The following VPS13B variants were observed in gnomAD, a reference collection of about 807,000 sequenced individuals.
VPS13B encodes intermembrane lipid transfer protein VPS13B.
VPS13B carries 285 observed loss-of-function variants against 426.4 expected under a neutral mutation model. The observed-to-expected ratio is 0.67, with a 90% CI of 0.61 to 0.74. The LOEUF is 0.74. Among genes scored for constraint, VPS13B ranks in the 30% least tolerant of loss-of-function variants. The pLI is 0.00. For synonymous variants in VPS13B, 1,676 were observed against 1,676.4 expected, an observed-to-expected ratio of 1.00 and a Z score of 0.01; for missense variants, 4,537 against 4,782.6, an observed-to-expected ratio of 0.95 and a Z score of 1.51.
intron 43 of VPS13B, among the ~76,000 whole-genome samples, chr8:99,793,932 C>T (rs1255375512): frequency 6.6e-6 from 1 of 152,114 alleles, no homozygotes; most frequent in East Asian, 1.9e-4. Flanking sequence ...GTAAATATTC[C>T]ATGTAAAACA....
chr8:99,668,988 T>C (rs1344170042), intron 35 of VPS13B, among the ~76,000 whole-genome samples: 1 of 152,040 alleles, frequency 6.6e-6, no homozygotes, highest in East Asian at 1.9e-4. Context: ...CCAAGGAAAA[T>C]TCCCCGTGAG....
chr8:99,766,733 T>C, intron 39 of VPS13B, 41 bp from the exon 40 acceptor site: 1 of 1,542,448 alleles, frequency 6.5e-7, no homozygotes, highest in Non-Finnish European at 8.9e-7. Flanking sequence ...AAAAGCATAG[T>C]TTCTATTTGC....
At chr8:99,658,000 T>G (rs2129726654) in intron 34 of VPS13B, among the ~76,000 whole-genome samples, 1 of 152,296 alleles carries the variant, frequency 6.6e-6, no homozygotes, top group Middle Eastern at 3.4e-3. Flanking sequence ...GGAAGAAAAA[T>G]TGTATTTCTT....
At chr8:99,777,238 T>C (rs1811788033) in intron 41 of VPS13B, among the ~76,000 whole-genome samples, 1 of 152,166 alleles carries the variant, frequency 6.6e-6, no homozygotes, top group Non-Finnish European at 1.5e-5. Flanking sequence ...TTACTGTAAT[T>C]CTAATTATGA....
intron 33 of VPS13B, among the ~76,000 whole-genome samples, chr8:99,580,325 A>AATAT (rs72284628): frequency 1.5e-4 from 22 of 146,742 alleles, no homozygotes; most frequent in African/African-American, 4.7e-4. Context: ...TATAACATTA[A>AATAT]ATATATATAT....
rs538471927 is a variant in VPS13B at position 99,602,940 on chromosome 8, A to G, written c.5220+25307A>G. 3.9e-5 allele frequency among the ~76,000 whole-genome samples: 6 copies of G among 152,344 alleles called. No homozygotes were observed. The South Asian group carries it at 1.2e-3, about 32-fold the overall frequency. ...GGATAGGAAGCATCAATATCGTGAAAATGGCCATACTGCCCAAAGTAATTT... is the reference window on the plus strand; with the variant it reads ...GGATAGGAAGCATCAATATCGTGAAGATGGCCATACTGCCCAAAGTAATTT... On this transcript the variant is annotated intron_variant, in intron 33 of 61. Transcript: ENST00000357162.
intron 6 of VPS13B, among the ~76,000 whole-genome samples, chr8:99,114,078 T>C (rs1847522381): frequency 6.6e-6 from 1 of 152,162 alleles, no homozygotes; most frequent in Admixed American, 6.5e-5. Context: ...AGTGAAATTC[T>C]GTGCATAGAA....
At chr8:99,754,653 T>C (rs943506650) in intron 39 of VPS13B, among the ~76,000 whole-genome samples, 2 of 152,178 alleles carry the variant, frequency 1.3e-5, no homozygotes, top group African/African-American at 4.8e-5. Context: ...CCTCCAGCCA[T>C]CAGTTTAAAA....
At chr8:99,401,273 TA>T (rs1443475331) in intron 21 of VPS13B, among the ~76,000 whole-genome samples, 2 of 152,212 alleles carry the variant, frequency 1.3e-5, no homozygotes, top group Non-Finnish European at 2.9e-5. Flanking sequence ...TTTATTCAAA[TA>T]AATTAGTTTT....
intron 21 of VPS13B, among the ~76,000 whole-genome samples, chr8:99,429,205 C>A (rs1452156845): frequency 6.6e-6 from 1 of 151,086 alleles, no homozygotes; most frequent in Middle Eastern, 3.4e-3. Flanking sequence ...GGGTGCAGCC[C>A]ACCAACATGG....
intron 19 of VPS13B, among the ~76,000 whole-genome samples, chr8:99,315,869 G>C (rs1809623774): frequency 6.6e-6 from 1 of 152,066 alleles, no homozygotes; most frequent in Admixed American, 6.6e-5. Flanking sequence ...ATATTTCTTT[G>C]CCTTTTGTAT....
chr8:99,549,006 T>C (rs995902325), intron 30 of VPS13B, among the ~76,000 whole-genome samples: 2 of 152,112 alleles, frequency 1.3e-5, no homozygotes, highest in Admixed American at 6.6e-5. Flanking sequence ...TAATTTGTAA[T>C]AGAAATTTTC....
At chr8:99,288,569 G>C (rs1308664687) in intron 19 of VPS13B, among the ~76,000 whole-genome samples, 2 of 151,742 alleles carry the variant, frequency 1.3e-5, no homozygotes, top group African/African-American at 2.4e-5. Context: ...TGCTTTGAGG[G>C]GCAAGTGGGA....
intron 17 of VPS13B, among the ~76,000 whole-genome samples, chr8:99,211,174 G>A (rs570576194): frequency 1.3e-5 from 2 of 152,282 alleles, no homozygotes; most frequent in African/African-American, 2.4e-5. Context: ...GCTGAATGAA[G>A]TAGGCAAAAG....
chr8:99,478,869 T>G (rs1385893731), intron 24 of VPS13B, among the ~76,000 whole-genome samples: 1 of 152,072 alleles, frequency 6.6e-6, no homozygotes, highest in Non-Finnish European at 1.5e-5. Flanking sequence ...AACTGAGTTT[T>G]AATGATTAGT....
At chr8:99,494,704 T>A (rs906930394) in intron 25 of VPS13B, among the ~76,000 whole-genome samples, 1 of 152,132 alleles carries the variant, frequency 6.6e-6, no homozygotes, top group African/African-American at 2.4e-5. Context: ...CTAATTTCTC[T>A]GGTGAGGACT....
chr8:99,844,190 G>C (rs1181617620), intron 54 of VPS13B, among the ~76,000 whole-genome samples: 2 of 152,098 alleles, frequency 1.3e-5, no homozygotes, highest in Non-Finnish European at 2.9e-5. Context: ...AAATACCTCA[G>C]ACTGGTAGCT....
intron 16 of VPS13B, among the ~76,000 whole-genome samples, chr8:99,176,590 A>G (rs1812644116): frequency 6.6e-6 from 1 of 152,308 alleles, no homozygotes; most frequent in South Asian, 2.1e-4. Context: ...CTGCCCTTTC[A>G]AGAAAGATAA....
chr8:99,129,265 A>T, intron 8 of VPS13B, among the ~76,000 whole-genome samples: 1 of 151,762 alleles, frequency 6.6e-6, no homozygotes, highest in East Asian at 1.9e-4. Flanking sequence ...CAAAATTAAA[A>T]TATAATAAAA....
Sources: allele counts gnomAD v4.1 joint callset (sites outside exome capture counted in the v4.1 genomes callset), GRCh38; gene constraint gnomAD v4.1.1; transcripts MANE v1.5; gene names NCBI Gene and HGNC (gene_info 2026-07-23, HGNC 2026-07-21).